Variants in PCM1 observed in about 807,000 individuals in gnomAD.
The protein encoded by PCM1 is pericentriolar material 1.
In PCM1, 157 loss-of-function variants were observed where a neutral mutation model predicts 241.9. The observed-to-expected ratio is 0.65, with a 90% confidence interval of 0.57 to 0.74. The LOEUF (loss-of-function observed/expected upper bound fraction) is 0.74, where lower values mean the gene tolerates loss of function less well. Ranked by LOEUF, PCM1 falls within the 30% of genes least tolerant of loss-of-function variation. PCM1 has a pLI of 0.00. For missense variants in PCM1, 3,478 were observed against 2,360.1 expected, an observed-to-expected ratio of 1.47 and a Z score of -9.81; for synonymous variants, 1,085 against 784.9, an observed-to-expected ratio of 1.38 and a Z score of -6.39.
In PCM1 at chr8:17,980,483, C is replaced by T. The variant is rs557026036; in HGVS notation, c.3944-108C>T. The stretch of plus-strand genomic sequence containing the variant: ...TTGTATTCTATTTATACCAGGCCTT[C>T]CTAGCATTGTAAATTGAGTTACCTG... On this transcript the variant is annotated intron_variant, in intron 23 of 38. Transcript: ENST00000325083. 1.1e-5 allele frequency: 9 copies of T among 804,050 alleles called. No individual in the cohort carries two copies. In the African/African-American group the frequency reaches 1.4e-4, roughly 12 times the overall value. 49.8% of individuals were successfully genotyped at this position (804,050 alleles called of 1,614,324 possible). A position where few individuals can be genotyped will look rare whatever the true frequency, so the allele number is the denominator to read the frequency against.
chr8:18,000,410 G>T, intron 29 of PCM1, among the ~76,000 whole-genome samples: 1 of 152,140 alleles, frequency 6.6e-6, no homozygotes, highest in Admixed American at 6.5e-5. Flanking sequence ...TTATAAGGGG[G>T]TCAGGAGTGC....
At chr8:17,968,050 G>C (rs208052) in intron 21 of PCM1, among the ~76,000 whole-genome samples, 116,886 of 149,000 alleles carry the variant, frequency 0.78, 46,403 homozygotes, top group African/African-American at 0.87. Flanking sequence ...AATCAGTTCC[G>C]CCGCCAAAAA....
At chr8:18,025,719 TTG>T in intron 38 of PCM1, 61 bp downstream of exon 38, 1 of 948,770 alleles carries the variant, frequency 1.1e-6, no homozygotes. Context: ...CATACTACTA[TTG>T]TGTTTTATTT....
At chr8:18,022,660 C>T (rs2093849786) in intron 36 of PCM1, among the ~76,000 whole-genome samples, 1 of 152,170 alleles carries the variant, frequency 6.6e-6, no homozygotes, top group African/African-American at 2.4e-5. Context: ...GGACAGAAAA[C>T]CTTAATGGAA....
Position 17,989,923 on chromosome 8 carries a change from A to G in PCM1, c.4475A>G (p.Asn1492Ser). 5 of 1,546,792 alleles carry G rather than the reference A, an allele frequency of 3.2e-6. No individual in the cohort carries two copies. In the South Asian group the frequency reaches 6.0e-5, roughly 19 times the overall value. ...ATAAGTGAGCAAAATGATGCTGATA[A>G]TGCTAGTGTCCTGTCTGTATCATCA... ...HKISEQNDAD[N>S]ASVLSVSSNF... The change falls in exon 27 of 39, where the codon AAT (asparagine) becomes AGT (serine). Residue 1492 changes from asparagine (N) to serine (S), a missense_variant. Coordinates refer to ENST00000325083, the MANE Select transcript of PCM1 (RefSeq NM_006197.4).
chr8:17,969,768 T>G lies in PCM1; in HGVS notation c.3584+20T>G, dbSNP rs770266638. ...ACCAAGGTACTGATTGTAAACAGTC[T>G]TTTATTGCTTAAACATTCACTTTTG... On this transcript the variant is annotated intron_variant, in intron 22 of 38. Transcript: ENST00000325083. The G allele has an allele frequency of 1.6e-5, 24 of 1,541,570 alleles. No homozygotes were observed. The highest frequency in any genetic ancestry group is 2.1e-5 in the Non-Finnish European group (23 of 1,121,580).
chr8:17,953,027 G>A lies in PCM1; in HGVS notation c.1129G>A (p.Val377Ile), dbSNP rs368862183. ...QAESLSLTREVSQSRKPSASE... is the reference protein window; with the variant it reads ...QAESLSLTREISQSRKPSASE... ...AGAAAGTCTTTCATTAACTAGGGAGGTTTCCCAGAGCAGGAAACCATCAGC... is the reference window on the plus strand; with the variant it reads ...AGAAAGTCTTTCATTAACTAGGGAGATTTCCCAGAGCAGGAAACCATCAGC... Residue 377 changes from valine (V) to isoleucine (I), a missense_variant, in exon 9 of 39, where the codon GTT (valine) becomes ATT (isoleucine). Transcript: ENST00000325083. The A allele has an allele frequency of 4.4e-6, 7 of 1,608,968 alleles. No homozygotes were observed. Among genetic ancestry groups the A allele is most frequent in the Non-Finnish European group, 5.9e-6 (7 of 1,177,478 alleles).
In PCM1 at chr8:17,989,964, G is replaced by A; in HGVS notation, c.4516G>A (p.Ala1506Thr). 1 of 1,534,130 alleles carries A rather than the reference G, an allele frequency of 6.5e-7. No homozygotes were observed. Among genetic ancestry groups the A allele is most frequent in the Non-Finnish European group, 8.8e-7 (1 of 1,138,984 alleles). ...LSVSSNFEPF[A>T]TDDLGNTVIH... The stretch of plus-strand genomic sequence containing the variant: ...TGTATCATCAAATTTTGAGCCTTTT[G>A]CAACAGATGATCTAGGTAAGCAGAA... The change falls in exon 27 of 39, where the codon GCA becomes ACA. Residue 1506 changes from alanine to threonine, a missense_variant. By Grantham distance (58) the Ala-to-Thr change is moderately conservative (BLOSUM62 0). Transcript: ENST00000325083.
At position 17,985,489 on chromosome 8, in the gene PCM1, C is replaced by A; in HGVS notation, c.4151C>A (p.Thr1384Asn). ...TCCATGTTTGAAGCTTTGCGAGATA[C>A]TATTTATTCTGAAGTAGCTACATTA... ...DFSMFEALRD[T>N]IYSEVATLIS... Residue 1384 changes from threonine (T) to asparagine (N), a missense_variant, in exon 25 of 39, where the codon ACT (threonine) becomes AAT (asparagine). Physicochemically the swap from Thr to Asn is moderately conservative, Grantham distance 65. Transcript: ENST00000325083. 6.4e-7 allele frequency: 1 copy of A among 1,567,216 alleles called. No homozygotes were observed. Among genetic ancestry groups the A allele is most frequent in the African/African-American group, 1.3e-5 (1 of 74,282 alleles).
intron 29 of PCM1, among the ~76,000 whole-genome samples, chr8:17,996,544 A>C (rs1343259720): frequency 6.6e-6 from 1 of 151,572 alleles, no homozygotes; most frequent in Non-Finnish European, 1.5e-5. Context: ...TAAAATACCA[A>C]CTTTTTGTTT....
intron 30 of PCM1, 49 bp downstream of exon 30, chr8:18,006,446 G>GT (rs771233605): frequency 1.4e-4 from 194 of 1,357,634 alleles, no homozygotes; most frequent in Admixed American, 6.9e-4. Flanking sequence ...GTGTGGTAAG[G>GT]TTTTTTTTCG....
At chr8:18,004,067 G>C (rs749695397) in intron 29 of PCM1, among the ~76,000 whole-genome samples, 3 of 151,890 alleles carry the variant, frequency 2.0e-5, no homozygotes, top group Non-Finnish European at 4.4e-5. Flanking sequence ...AAGCCTAAAT[G>C]ATCTATCCTT....
chr8:18,025,212 T>A (rs1334711053), intron 36 of PCM1, 149 bp from the exon 37 acceptor site: 1 of 368,248 alleles, frequency 2.7e-6, no homozygotes, highest in Non-Finnish European at 5.1e-6. Flanking sequence ...GCTTTTCCTA[T>A]GAACTGCATA....
intron 29 of PCM1, among the ~76,000 whole-genome samples, chr8:17,998,434 A>C (rs1321890336): frequency 1.3e-5 from 2 of 152,176 alleles, no homozygotes; most frequent in African/African-American, 4.8e-5. Flanking sequence ...CACTTTGGTG[A>C]TTTTGGATAA....
At chr8:17,937,494 T>C (rs2060753512) in intron 4 of PCM1, 115 bp downstream of exon 4, 1 of 905,532 alleles carries the variant, frequency 1.1e-6, no homozygotes, top group Non-Finnish European at 1.6e-6. Flanking sequence ...TTAAAAAAAG[T>C]TTCTGTGCCT....
Position 18,007,601 on chromosome 8 carries a change from A to G in PCM1, c.4962+1204A>G, listed in dbSNP as rs568561511. On this transcript the variant is annotated intron_variant, in intron 30 of 38. Coordinates refer to ENST00000325083, the MANE Select transcript of PCM1 (RefSeq NM_006197.4). ...TTTCTAAAGACTTTTTTCTCAGTCT[A>G]AGGTTTGACTGCTTTTCTTTCATCC... 1.2e-3 allele frequency among the ~76,000 whole-genome samples: 187 copies of G among 152,328 alleles called. 1 individual carries two copies. The highest frequency in any genetic ancestry group is 3.9e-3 in the African/African-American group (161 of 41,586).
chr8:17,942,026 T>G (rs1202323854), intron 6 of PCM1, among the ~76,000 whole-genome samples: 1 of 152,218 alleles, frequency 6.6e-6, no homozygotes, highest in Non-Finnish European at 1.5e-5. Flanking sequence ...GTTATATACC[T>G]CTCCATGGAT....
intron 23 of PCM1, among the ~76,000 whole-genome samples, chr8:17,975,368 G>A (rs938591456): frequency 1.3e-5 from 2 of 152,034 alleles, no homozygotes; most frequent in African/African-American, 4.8e-5. Flanking sequence ...TCTCCACGTT[G>A]GTCAGGCTAG....
rs752300024 is a variant in PCM1, at chr8:17,970,194, G to C, written c.3584+446G>C. Among the ~76,000 whole-genome samples, 40 of 152,192 alleles carry C rather than the reference G, an allele frequency of 2.6e-4. No individual in the cohort carries two copies. In the Middle Eastern group the frequency reaches 0.01, roughly 39 times the overall value. ...AAACAACTTTTGTCTCATAAGTTTT[G>C]AGGATGCATGGTATTAATGATATTT... On this transcript the variant is annotated intron_variant, in intron 22 of 38. Transcript: ENST00000325083.
Sources: allele counts gnomAD v4.1 joint callset (sites outside exome capture counted in the v4.1 genomes callset), GRCh38; gene constraint gnomAD v4.1.1; transcripts MANE v1.5; gene names NCBI Gene and HGNC (gene_info 2026-07-23, HGNC 2026-07-21).